Variants in KCNU1 observed in about 807,000 individuals in gnomAD.
KCNU1 encodes the protein potassium calcium-activated channel subfamily U member 1.
A neutral mutation model predicts 126.8 loss-of-function variants in KCNU1; 93 were observed. The observed-to-expected ratio is 0.73, with a 90% CI of 0.62 to 0.87. The LOEUF is 0.87. Among genes scored for constraint, KCNU1 ranks in the 40% least tolerant of loss-of-function variants. The pLI is 0.00. For missense variants in KCNU1, 1,330 were observed against 1,367.1 expected (o/e 0.97, Z 0.43); for synonymous variants, 523 against 494.2 (o/e 1.06, Z -0.77).
intron 19 of KCNU1, among the ~76,000 whole-genome samples, chr8:36,878,106 T>G (rs1243400306): frequency 6.6e-6 from 1 of 152,200 alleles, no homozygotes; most frequent in Admixed American, 6.5e-5. Context: ...TTATAAAGAA[T>G]GATCTCTTTT....
intron 22 of KCNU1, among the ~76,000 whole-genome samples, chr8:36,916,351 AAAG>A (rs1027475613): frequency 6.0e-5 from 9 of 150,660 alleles, no homozygotes; most frequent in Admixed American, 4.6e-4. Flanking sequence ...GAAAGGAAGA[AAAG>A]AAGGAAGGAA....
chr8:36,817,692 C>T lies in KCNU1; in HGVS notation c.1038C>T (p.Thr346=), dbSNP rs776617309. 20 of 1,612,822 alleles carry T rather than the reference C, an allele frequency of 1.2e-5. No homozygotes were observed. The highest frequency in any genetic ancestry group is 8.9e-5 in the East Asian group (4 of 44,842). Residue 346 remains threonine (T), a synonymous_variant, in exon 10 of 27, where the codon ACC becomes ACT. Coordinates refer to ENST00000399881, the MANE Select transcript of KCNU1 (RefSeq NM_001031836.3). ...VCGNITVDSV[T]AFLRNFLRDK... is the part of the protein sequence containing the mutation. Reference sequence around the variant, plus strand: ...GAAACATCACTGTGGACAGTGTGACCGCTTTCCTGAGGAATTTCCTCCGCG... The same window carrying T: ...GAAACATCACTGTGGACAGTGTGACTGCTTTCCTGAGGAATTTCCTCCGCG...
chr8:36,904,640 T>G (rs758517377), intron 19 of KCNU1, among the ~76,000 whole-genome samples: 29 of 152,130 alleles, frequency 1.9e-4, no homozygotes, highest in African/African-American at 6.8e-4. Context: ...GTGACTAATT[T>G]TGGCCAATGA....
Position 36,814,220 on chromosome 8 carries a change from G to GTGATCCCT in KCNU1, c.747_754dup (p.Trp252LeufsTer35), listed in dbSNP as rs1186490175. On this transcript the variant is annotated frameshift_variant, in exon 8 of 27. Transcript: ENST00000399881. LOFTEE classifies it high-confidence loss of function. Reference sequence around the variant, plus strand: ...CTCTTTGGACAGGTGGAAAATTCTGGTGATCCCTGGCTCAAAGGTAGAAAT... The same window carrying GTGATCCCT: ...CTCTTTGGACAGGTGGAAAATTCTGGTGATCCCTTGATCCCTGGCTCAAAGGTAGAAAT... 6.2e-7 allele frequency: 1 copy of GTGATCCCT among 1,613,082 alleles called. No homozygotes were observed. Among genetic ancestry groups the GTGATCCCT allele is most frequent in the Middle Eastern group, 1.7e-4 (1 of 6,056 alleles).
chr8:36,912,768 G>A (rs781776997), intron 22 of KCNU1, among the ~76,000 whole-genome samples: 11 of 151,918 alleles, frequency 7.2e-5, no homozygotes, highest in Admixed American at 5.2e-4. Flanking sequence ...TCAGGAGATT[G>A]AGATCATTTT....
intron 19 of KCNU1, among the ~76,000 whole-genome samples, chr8:36,872,824 A>G (rs1167843364): frequency 6.6e-6 from 1 of 152,186 alleles, no homozygotes; most frequent in African/African-American, 2.4e-5. Flanking sequence ...TGTTATTTCA[A>G]TTAACATCTT....
intron 10 of KCNU1, among the ~76,000 whole-genome samples, chr8:36,823,604 C>T (rs181352183): frequency 9.2e-5 from 14 of 151,798 alleles, no homozygotes; most frequent in Admixed American, 2.0e-4. Flanking sequence ...GTGATTGTTT[C>T]ATTTTATGTT....
chr8:36,891,830 T>A (rs1806974956), intron 19 of KCNU1, among the ~76,000 whole-genome samples: 1 of 152,102 alleles, frequency 6.6e-6, no homozygotes, highest in South Asian at 2.1e-4. Context: ...TAGCTGTTAA[T>A]CTTATTAAGG....
intron 19 of KCNU1, among the ~76,000 whole-genome samples, chr8:36,885,665 C>T (rs1421455137): frequency 2.0e-5 from 3 of 151,948 alleles, no homozygotes; most frequent in East Asian, 1.9e-4. Flanking sequence ...TGGTGGTGGG[C>T]GCTTGTAATC....
chr8:36,834,798 G>A lies in KCNU1; in HGVS notation c.1225G>A (p.Glu409Lys). 2 of 1,610,204 alleles carry A rather than the reference G, an allele frequency of 1.2e-6. No homozygotes were observed. Among genetic ancestry groups the A allele is most frequent in the South Asian group, 1.1e-5 (1 of 90,620 alleles). The change falls in exon 12 of 27, where the codon GAG (glutamate) becomes AAG (lysine). Residue 409 changes from glutamate (E) to lysine (K), a missense_variant. Coordinates refer to ENST00000399881, the MANE Select transcript of KCNU1 (RefSeq NM_001031836.3). ...TCTTGAAGGGTAGGTGGAATCTGCA[G>A]AGGCATGCCTGATTATAGCCAATCC... Reference protein sequence around the residue: ...DLRRVAVESAEACLIIANPLC... With the variant: ...DLRRVAVESAKACLIIANPLC...
chr8:36,855,433 C>T (rs1208740018), intron 18 of KCNU1, among the ~76,000 whole-genome samples: 1 of 152,036 alleles, frequency 6.6e-6, no homozygotes, highest in African/African-American at 2.4e-5. Context: ...AACCACCAGA[C>T]AAGTCAAAAT....
At chr8:36,817,499 CAAAAAAAAAAAAA>C (rs375306964) in intron 9 of KCNU1, 138 bp from the exon 10 acceptor site, 4 of 234,708 alleles carry the variant, frequency 1.7e-5, no homozygotes, top group Non-Finnish European at 2.2e-5. Context: ...AACTCCATCT[CAAAAAAAAAAAAA>C]AAAAAAAAAA....
intron 2 of KCNU1, among the ~76,000 whole-genome samples, chr8:36,793,215 GA>G (rs1563258140): frequency 7.5e-6 from 1 of 133,238 alleles, no homozygotes; most frequent in East Asian, 2.7e-4. Flanking sequence ...GGGATAGGGG[GA>G]GGGGGGAGGG....
intron 24 of KCNU1, among the ~76,000 whole-genome samples, chr8:36,927,554 G>C (rs1242040772): frequency 6.6e-6 from 1 of 152,122 alleles, no homozygotes; most frequent in Non-Finnish European, 1.5e-5. Flanking sequence ...AGGGTCACTT[G>C]GCTTGTTAGT....
At chr8:36,885,388 T>C (rs911381544) in intron 19 of KCNU1, among the ~76,000 whole-genome samples, 2 of 151,718 alleles carry the variant, frequency 1.3e-5, no homozygotes, top group Admixed American at 6.6e-5. Flanking sequence ...AACCCCGTCT[T>C]TAGTAAAAAT....
rs747930765 is a variant in KCNU1 at position 36,794,055 on chromosome 8, C to CA, written c.315+6652dup. On this transcript the variant is annotated intron_variant, in intron 2 of 26. Coordinates refer to ENST00000399881, the MANE Select transcript of KCNU1 (RefSeq NM_001031836.3). ...GGTGACAGAGCGAGACTCTGTCTCT[C>CA]AAAAAAAAAAAAAAAAAAAAAAGGT... is the stretch of plus-strand genomic sequence containing the variant. Among the ~76,000 whole-genome samples, 1,681 of 63,736 alleles carry CA rather than the reference C, an allele frequency of 0.026. 98 individuals are homozygous for CA. The East Asian group carries it at 0.27, about 10-fold the overall frequency. 41.8% of individuals were successfully genotyped at this position (63,736 alleles called of 152,430 possible).
At chr8:36,869,219 G>C (rs1271584901) in intron 19 of KCNU1, among the ~76,000 whole-genome samples, 1 of 152,018 alleles carries the variant, frequency 6.6e-6, no homozygotes, top group Admixed American at 6.6e-5. Flanking sequence ...ATATTTAATC[G>C]GTGAAACAAG....
In KCNU1 at chr8:36,807,394, C is replaced by T; in HGVS notation, c.600C>T (p.Ala200=). 1 of 1,613,364 alleles carries T rather than the reference C, an allele frequency of 6.2e-7. No individual in the cohort carries two copies. Among genetic ancestry groups the T allele is most frequent in the Non-Finnish European group, 8.5e-7 (1 of 1,179,460 alleles). ...SNWLGLRFLR[A]LRLLELPQIL... Reference sequence around the variant, plus strand: ...TTGTAGGTTTAAGGTTCCTAAGAGCCTTGCGCCTGCTAGAACTCCCTCAAA... The same window carrying T: ...TTGTAGGTTTAAGGTTCCTAAGAGCTTTGCGCCTGCTAGAACTCCCTCAAA... The change falls in exon 6 of 27, where the codon GCC becomes GCT. Residue 200 remains alanine, a synonymous_variant. Coordinates refer to ENST00000399881, the MANE Select transcript of KCNU1 (RefSeq NM_001031836.3).
chr8:36,790,874 A>G lies in KCNU1; in HGVS notation c.315+3449A>G, dbSNP rs566625518. ...ACAGTACTTATATGAAAATCCCCCC[A>G]AATAGCAACTTTTTATATACCCTAC... On this transcript the variant is annotated intron_variant, in intron 2 of 26. Transcript: ENST00000399881. Among the ~76,000 whole-genome samples, 7 of 152,194 alleles carry G rather than the reference A, an allele frequency of 4.6e-5. 1 individual carries two copies. The South Asian group carries it at 1.5e-3, about 32-fold the overall frequency.
Sources: gnomAD v4.1 joint callset for allele counts (sites outside exome capture counted in the v4.1 genomes callset) on GRCh38, gnomAD v4.1.1 for gene constraint, MANE v1.5 for transcripts, NCBI Gene and HGNC (gene_info 2026-07-23, HGNC 2026-07-21) for gene names.